The following HDGFL2 variants were observed in gnomAD, a reference collection of about 807,000 sequenced individuals.
The protein encoded by HDGFL2 is HDGF like 2.
In HDGFL2, 36 loss-of-function variants were observed where a neutral mutation model predicts 77.1. The ratio of observed to expected loss-of-function variants is 0.47; its 90% CI spans 0.36 to 0.62. HDGFL2 has a LOEUF of 0.62. Among genes scored for constraint, HDGFL2 ranks in the 20% least tolerant of loss-of-function variants. The pLI is 0.00. For missense variants in HDGFL2, 976 were observed against 973.4 expected (o/e 1.00, Z -0.04); for synonymous variants, 463 against 413.1 (o/e 1.12, Z -1.46).
intron 9 of HDGFL2, among the ~76,000 whole-genome samples, chr19:4,495,293 C>T (rs1044695649): frequency 7.1e-6 from 1 of 141,090 alleles, no homozygotes; most frequent in African/African-American, 2.6e-5. Context: ...GAGGCTGAGG[C>T]AGGAGAATGG....
Position 4,493,695 on chromosome 19 carries a change from C to T in HDGFL2, c.679-8C>T. On this transcript the variant is annotated splice_region_variant and splice_polypyrimidine_tract_variant and intron_variant, in intron 6 of 15. Transcript: ENST00000616600. ...CTGATGCTCACGCCTGTCCCTGCTTCTCCCCAGAAGGCGCCATCAGCCTCC... is the reference window on the plus strand; with the variant it reads ...CTGATGCTCACGCCTGTCCCTGCTTTTCCCCAGAAGGCGCCATCAGCCTCC... The T allele has an allele frequency of 6.9e-7, 1 of 1,452,458 alleles. No individual in the cohort carries two copies. The highest frequency in any genetic ancestry group is 9.1e-7 in the Non-Finnish European group (1 of 1,096,106). 90.0% of individuals were successfully genotyped at this position (1,452,458 alleles called of 1,614,324 possible).
intron 14 of HDGFL2, among the ~76,000 whole-genome samples, chr19:4,500,609 C>T (rs1261748557): frequency 3.3e-5 from 5 of 151,914 alleles, no homozygotes; most frequent in Admixed American, 3.3e-4. Context: ...TACAGGCACC[C>T]AACACCACAC....
chr19:4,497,676 A>C, intron 10 of HDGFL2: 2 of 491,338 alleles, frequency 4.1e-6, no homozygotes, highest in Non-Finnish European at 7.3e-6. Flanking sequence ...TCTGGTAGAC[A>C]AAGCCAGCCC....
Position 4,499,720 on chromosome 19 carries a change from G to A in HDGFL2, c.1789+16G>A. On this transcript the variant is annotated intron_variant, in intron 14 of 15. Transcript: ENST00000616600. ...CCCAGCACCGGTGAGGGGCGGGTGG[G>A]GTGGGCCCTGTACCTCAGTCTCCTC... 1 of 1,525,560 alleles carries A rather than the reference G, an allele frequency of 6.6e-7. No homozygotes were observed. Among genetic ancestry groups the A allele is most frequent in the Non-Finnish European group, 8.9e-7 (1 of 1,127,550 alleles). The allele number at this position is 1,525,560 out of a possible 1,614,324, so 94.5% of individuals were successfully genotyped here.
chr19:4,491,393 C>T (rs1975508239), intron 4 of HDGFL2, among the ~76,000 whole-genome samples, 173 bp from the exon 5 acceptor site: 1 of 151,548 alleles, frequency 6.6e-6, no homozygotes, highest in African/African-American at 2.4e-5. Flanking sequence ...TTTCACCAAG[C>T]ATAATGTCCT....
chr19:4,497,709 G>T (rs1975743854), intron 10 of HDGFL2: 4 of 545,390 alleles, frequency 7.3e-6, no homozygotes, highest in East Asian at 3.1e-5. Context: ...ACGAGGAAAA[G>T]AATCCTGGGA....
chr19:4,499,740 C>T (rs1471567584), intron 14 of HDGFL2, 36 bp downstream of exon 14: 5 of 1,439,178 alleles, frequency 3.5e-6, no homozygotes, highest in Non-Finnish European at 4.7e-6. Flanking sequence ...GTACCTCAGT[C>T]TCCTCAGCTG....
In HDGFL2 at chr19:4,497,962, G is replaced by A. The variant is rs1409803967; in HGVS notation, c.1333G>A (p.Val445Met). 8 of 1,552,998 alleles carry A rather than the reference G, an allele frequency of 5.2e-6. No homozygotes were observed. The South Asian group carries it at 9.5e-5, about 18-fold the overall frequency. Residue 445 changes from valine (V) to methionine (M), a missense_variant, in exon 11 of 16, where the codon GTG becomes ATG. Transcript: ENST00000616600. ...GAGGGGAGCACTTCTCCACAGGCCC[G>A]TGAAGGTGGAGCGGACCCGGAAGCG... ...RPEEKQQAKPVKVERTRKRSE... is the reference protein window; with the variant it reads ...RPEEKQQAKPMKVERTRKRSE...
At chr19:4,488,937 G>T in intron 4 of HDGFL2, 61 bp downstream of exon 4, 1 of 1,242,328 alleles carries the variant, frequency 8.0e-7, no homozygotes, top group Non-Finnish European at 1.1e-6. Context: ...TCGCCTGGCA[G>T]CTTGCTCTCC....
intron 3 of HDGFL2, among the ~76,000 whole-genome samples, chr19:4,477,531 G>A (rs775871616): frequency 1.3e-5 from 2 of 152,164 alleles, no homozygotes; most frequent in African/African-American, 4.8e-5. Flanking sequence ...TGTTTCAGGA[G>A]ATCTTTTTCT....
At chr19:4,485,374 C>A (rs1199973359) in intron 3 of HDGFL2, among the ~76,000 whole-genome samples, 1 of 152,152 alleles carries the variant, frequency 6.6e-6, no homozygotes, top group Non-Finnish European at 1.5e-5. Flanking sequence ...ATATTCTATC[C>A]TATTGTTATA....
intron 3 of HDGFL2, 115 bp from the exon 4 acceptor site, chr19:4,488,561 A>G (rs1975419775): frequency 1.1e-6 from 1 of 933,654 alleles, no homozygotes; most frequent in Non-Finnish European, 1.6e-6. Flanking sequence ...CCAGGAGACA[A>G]CACGCCTGAC....
chr19:4,484,088 C>CTT lies in HDGFL2; in HGVS notation c.289-4570_289-4569dup, dbSNP rs577665698. On this transcript the variant is annotated intron_variant, in intron 3 of 15. Transcript: ENST00000616600. ...ACAGGCGTGAGCCACTGCACCCGGCCTTTTTTTTTTTTTTTTTTTGAGACA... is the reference window on the plus strand; with the variant it reads ...ACAGGCGTGAGCCACTGCACCCGGCCTTTTTTTTTTTTTTTTTTTTTGAGACA... Among the ~76,000 whole-genome samples the CTT allele has an allele frequency of 2.5e-3, 302 of 122,652 alleles. 3 individuals are homozygous for CTT. The highest frequency in any genetic ancestry group is 6.7e-3 in the African/African-American group (212 of 31,484). The allele number at this position is 122,652 out of a possible 152,430, so 80.5% of individuals were successfully genotyped here.
At chr19:4,484,779 C>G (rs1043101837) in intron 3 of HDGFL2, among the ~76,000 whole-genome samples, 3 of 148,210 alleles carry the variant, frequency 2.0e-5, no homozygotes, top group Admixed American at 6.9e-5. Flanking sequence ...TCACGCCATT[C>G]TCCTGCCTCA....
rs1366657018 is a variant in HDGFL2 at position 4,494,163 on chromosome 19, C to T, written c.915-3C>T. On this transcript the variant is annotated splice_polypyrimidine_tract_variant and splice_region_variant and intron_variant, in intron 8 of 15. Coordinates refer to ENST00000616600, the MANE Select transcript of HDGFL2 (RefSeq NM_001001520.3). ...GGTCCCCAACCGCCCCCTCCGCCTCCAGTGACAGCGACGAGGTGGACCGCA... is the reference window on the plus strand; with the variant it reads ...GGTCCCCAACCGCCCCCTCCGCCTCTAGTGACAGCGACGAGGTGGACCGCA... 5 of 1,492,864 alleles carry T rather than the reference C, an allele frequency of 3.3e-6. No homozygotes were observed. Among genetic ancestry groups the T allele is most frequent in the Non-Finnish European group, 3.6e-6 (4 of 1,123,808 alleles). The allele number at this position is 1,492,864 out of a possible 1,614,324, so 92.5% of individuals were successfully genotyped here. A position where few individuals can be genotyped will look rare whatever the true frequency, so the allele number is the denominator to read the frequency against.
chr19:4,476,222 C>T (rs1469427270), intron 3 of HDGFL2, among the ~76,000 whole-genome samples: 34 of 108,548 alleles, frequency 3.1e-4, no homozygotes, highest in Admixed American at 1.2e-3. Flanking sequence ...GAGACAGAGT[C>T]TTGCTCTGTT....
intron 6 of HDGFL2, among the ~76,000 whole-genome samples, chr19:4,492,962 T>TATCG (rs1975570521): frequency 8.2e-6 from 1 of 122,124 alleles, no homozygotes; most frequent in African/African-American, 3.4e-5. Flanking sequence ...GCGTGTGAGT[T>TATCG]GTCTGTGGTG....
At chr19:4,500,750 TG>T (rs1369034806) in intron 14 of HDGFL2, among the ~76,000 whole-genome samples, 2 of 151,990 alleles carry the variant, frequency 1.3e-5, no homozygotes, top group African/African-American at 4.8e-5. Flanking sequence ...CGTGAGCCAC[TG>T]CGCCCTGCCA....
rs1360126580 is a variant in HDGFL2 at position 4,496,838 on chromosome 19, G to C, written c.1328+433G>C. 3 of 393,062 alleles carry C rather than the reference G, an allele frequency of 7.6e-6. No individual in the cohort carries two copies. The East Asian group carries it at 2.1e-4, about 28-fold the overall frequency. 24.3% of individuals were successfully genotyped at this position (393,062 alleles called of 1,614,324 possible). A position where few individuals can be genotyped will look rare whatever the true frequency, so the allele number is the denominator to read the frequency against. On this transcript the variant is annotated intron_variant, in intron 10 of 15. Coordinates refer to ENST00000616600, the MANE Select transcript of HDGFL2 (RefSeq NM_001001520.3). ...GGGGTTTGCATCTTGGTCCCCCTGT[G>C]GTGGGCAGACAGAGCCTGTCTCCCA...
Sources: allele counts gnomAD v4.1 joint callset (sites outside exome capture counted in the v4.1 genomes callset), GRCh38; gene constraint gnomAD v4.1.1; transcripts MANE v1.5; gene names NCBI Gene and HGNC (gene_info 2026-07-23, HGNC 2026-07-21).